AKAP6: variants seen among roughly 807,000 people sequenced by gnomAD.
AKAP6 encodes the protein A-kinase anchoring protein 6, also known as A-kinase anchor protein 6.
In AKAP6, 58 loss-of-function variants were observed where a neutral mutation model predicts 188.5. The ratio of observed to expected loss-of-function variants is 0.31; its 90% CI spans 0.25 to 0.38. AKAP6 has a LOEUF of 0.38. Among genes scored for constraint, AKAP6 ranks in the 10% least tolerant of loss-of-function variants. AKAP6 has a pLI of 1.00. For synonymous variants in AKAP6, 989 were observed against 998.6 expected, an observed-to-expected ratio of 0.99 and a Z score of 0.18; for missense variants, 2,710 against 2,740.0, an observed-to-expected ratio of 0.99 and a Z score of 0.24.
chr14:32,542,151 AAGCTT>A (rs1224291958), intron 3 of AKAP6, among the ~76,000 whole-genome samples: 1 of 152,196 alleles, frequency 6.6e-6, no homozygotes, highest in Non-Finnish European at 1.5e-5. Context: ...GAAGGAAATA[AAGCTT>A]AGCAACATCA....
intron 12 of AKAP6, among the ~76,000 whole-genome samples, chr14:32,809,957 A>C (rs1192350604): frequency 1.3e-5 from 2 of 152,200 alleles, no homozygotes; most frequent in Non-Finnish European, 2.9e-5. Context: ...GAAAAAAGCA[A>C]CCAAGCTTTA....
intron 9 of AKAP6, among the ~76,000 whole-genome samples, chr14:32,720,453 G>A (rs2030472555): frequency 1.3e-5 from 2 of 152,164 alleles, no homozygotes; most frequent in South Asian, 4.1e-4. Context: ...TAGGCAAATA[G>A]TAGTCTGTCC....
chr14:32,678,399 G>A lies in AKAP6; in HGVS notation c.2819G>A (p.Ser940Asn), dbSNP rs897313811. The change falls in exon 8 of 14, where the codon AGC (serine) becomes AAC (asparagine). Residue 940 changes from serine to asparagine, a missense_variant. By Grantham distance (46) the Ser-to-Asn change is conservative (BLOSUM62 1). Transcript: ENST00000280979. ...CTGTACAGCGAGCAGTATACCAGCA[G>A]CAGCAAGCGAAAGGAAGAGTTTGCT... ...LKLYSEQYTS[S>N]SKRKEEFADM... 1.2e-6 allele frequency: 2 copies of A among 1,613,946 alleles called. No individual in the cohort carries two copies. The highest frequency in any genetic ancestry group is 1.7e-6 in the Non-Finnish European group (2 of 1,179,890).
rs1175602486 is a variant in AKAP6 at position 32,834,406 on chromosome 14, T to G, written c.*4601T>G. On this transcript the variant is annotated 3_prime_UTR_variant, in exon 14 of 14. Coordinates refer to ENST00000280979, the MANE Select transcript of AKAP6 (RefSeq NM_004274.5). ...TGTCTCAAAAAAAAAAATGTAATAT[T>G]AATACAATAATACCTGATAGTTTAT... 1 of 152,008 alleles carries G rather than the reference T, an allele frequency of 6.6e-6. No homozygotes were observed. 9.4% of individuals were successfully genotyped at this position (152,008 alleles called of 1,614,324 possible). A position where few individuals can be genotyped will look rare whatever the true frequency, so the allele number is the denominator to read the frequency against.
intron 12 of AKAP6, among the ~76,000 whole-genome samples, chr14:32,792,347 A>T (rs2033636731): frequency 6.6e-6 from 1 of 152,122 alleles, no homozygotes; most frequent in Admixed American, 6.5e-5. Flanking sequence ...GTCCCTTGTA[A>T]GTTATATTCC....
chr14:32,420,830 CTTCT>C (rs1022872523), intron 1 of AKAP6, among the ~76,000 whole-genome samples: 1 of 151,612 alleles, frequency 6.6e-6, no homozygotes, highest in African/African-American at 2.4e-5. Context: ...CCTGTGCCTA[CTTCT>C]TTCTTGCTTT....
At chr14:32,694,575 C>T (rs899372515) in intron 8 of AKAP6, among the ~76,000 whole-genome samples, 5 of 152,128 alleles carry the variant, frequency 3.3e-5, no homozygotes, top group African/African-American at 2.4e-5. Context: ...CAACTATAAC[C>T]GTCATTGGCA....
intron 5 of AKAP6, among the ~76,000 whole-genome samples, chr14:32,587,166 G>C (rs1484315174): frequency 1.3e-5 from 2 of 152,106 alleles, no homozygotes; most frequent in East Asian, 3.9e-4. Flanking sequence ...AGAGTCATCT[G>C]TATTTCCTTT....
At chr14:32,435,063 G>A (rs1051914173) in intron 2 of AKAP6, among the ~76,000 whole-genome samples, 1 of 152,218 alleles carries the variant, frequency 6.6e-6, no homozygotes, top group Non-Finnish European at 1.5e-5. Context: ...AGCAGGGAGT[G>A]ATTTGACTCA....
At chr14:32,732,621 GT>G in intron 10 of AKAP6, 21 bp downstream of exon 10, 2 of 1,611,794 alleles carry the variant, frequency 1.2e-6, no homozygotes, top group Non-Finnish European at 1.7e-6. Flanking sequence ...TTTTATTACT[GT>G]TTGTAGGTTA....
intron 1 of AKAP6, among the ~76,000 whole-genome samples, chr14:32,370,730 G>T (rs1440029238): frequency 1.3e-5 from 2 of 152,142 alleles, no homozygotes; most frequent in Non-Finnish European, 2.9e-5. Context: ...TGTTATGAAG[G>T]CTCTGAAAAT....
intron 1 of AKAP6, among the ~76,000 whole-genome samples, chr14:32,398,845 T>G (rs1233809024): frequency 2.7e-5 from 2 of 74,210 alleles, no homozygotes; most frequent in African/African-American, 7.0e-5. Flanking sequence ...TTTCTTCCTG[T>G]TTTTTTTTTT....
rs75948822 is a variant in AKAP6, at chr14:32,633,416, T to C, written c.2730+32624T>C. Among the ~76,000 whole-genome samples, 566 of 152,182 alleles carry C rather than the reference T, an allele frequency of 3.7e-3. 2 individuals carry two copies. The highest frequency in any genetic ancestry group is 0.013 in the African/African-American group (529 of 41,550). ...CTGGTAGATTGCATTGTTGTTCCCA[T>C]GATTCACTCCCCTTTTCTGTAAGAG... On this transcript the variant is annotated intron_variant, in intron 7 of 13. Coordinates refer to ENST00000280979, the MANE Select transcript of AKAP6 (RefSeq NM_004274.5).
chr14:32,721,917 A>G (rs181106336), intron 9 of AKAP6, among the ~76,000 whole-genome samples: 1 of 152,274 alleles, frequency 6.6e-6, no homozygotes, highest in Admixed American at 6.5e-5. Flanking sequence ...ATTTGCCCAT[A>G]ATATATCCCA....
intron 11 of AKAP6, among the ~76,000 whole-genome samples, chr14:32,742,101 A>G (rs1359575694): frequency 2.6e-5 from 4 of 151,640 alleles, no homozygotes; most frequent in East Asian, 1.9e-4. Flanking sequence ...TTCAATCTTG[A>G]TAGGTTGTAT....
chr14:32,571,876 A>T (rs1884504476), intron 4 of AKAP6, among the ~76,000 whole-genome samples: 2 of 152,176 alleles, frequency 1.3e-5, no homozygotes. Context: ...AACGCCCTTA[A>T]ATTTTTCATT....
At chr14:32,702,297 T>G (rs560655778) in intron 9 of AKAP6, among the ~76,000 whole-genome samples, 1 of 152,308 alleles carries the variant, frequency 6.6e-6, no homozygotes, top group South Asian at 2.1e-4. Context: ...AGAAATGAAT[T>G]TGTTGTTTCA....
At chr14:32,362,864 A>G (rs1406546314) in intron 1 of AKAP6, among the ~76,000 whole-genome samples, 1 of 152,172 alleles carries the variant, frequency 6.6e-6, no homozygotes, top group Non-Finnish European at 1.5e-5. Flanking sequence ...GGGGAATGTT[A>G]TAGGTCAGGT....
intron 1 of AKAP6, among the ~76,000 whole-genome samples, chr14:32,388,013 C>T (rs1470035357): frequency 6.6e-6 from 1 of 151,872 alleles, no homozygotes; most frequent in East Asian, 1.9e-4. Context: ...ATTACCATTT[C>T]AATCTCGCTG....
Sources: gnomAD v4.1 joint callset for allele counts (sites outside exome capture counted in the v4.1 genomes callset) on GRCh38, gnomAD v4.1.1 for gene constraint, MANE v1.5 for transcripts, NCBI Gene and HGNC (gene_info 2026-07-23, HGNC 2026-07-21) for gene names.